ARHGAP39: variants seen among roughly 807,000 people sequenced by gnomAD.
The protein encoded by ARHGAP39 is Rho GTPase activating protein 39.
In ARHGAP39, 44 loss-of-function variants were observed where a neutral mutation model predicts 106.9. The observed-to-expected ratio is 0.41, with a 90% CI of 0.32 to 0.53. ARHGAP39 has a LOEUF of 0.53. Among genes scored for constraint, ARHGAP39 ranks in the 20% least tolerant of loss-of-function variants. The probability of loss-of-function intolerance (pLI) is 0.21; values close to 1 mark genes in which losing one functional copy is unlikely to be tolerated. For synonymous variants in ARHGAP39, 768 were observed against 693.2 expected (o/e 1.11, Z -1.69); for missense variants, 1,496 against 1,577.3 (o/e 0.95, Z 0.87).
intron 1 of ARHGAP39, among the ~76,000 whole-genome samples, chr8:144,617,414 C>A (rs1820665783): frequency 7.1e-6 from 1 of 140,672 alleles, no homozygotes; most frequent in Non-Finnish European, 1.7e-5. Context: ...GAGACCTGAG[C>A]ACCCAGCGCC....
chr8:144,619,255 C>A (rs975793731), intron 1 of ARHGAP39, among the ~76,000 whole-genome samples: 1 of 152,378 alleles, frequency 6.6e-6, no homozygotes, highest in East Asian at 1.9e-4. Flanking sequence ...GAAACAGCAT[C>A]TGCCTGGGCT....
At chr8:144,538,084 G>C (rs1241842585) in intron 6 of ARHGAP39, among the ~76,000 whole-genome samples, 1 of 152,200 alleles carries the variant, frequency 6.6e-6, no homozygotes, top group East Asian at 1.9e-4. Flanking sequence ...AGCAGGAGGA[G>C]AACACAGGGA....
chr8:144,654,388 C>G (rs1234931056), intron 1 of ARHGAP39, among the ~76,000 whole-genome samples: 1 of 151,668 alleles, frequency 6.6e-6, no homozygotes, highest in Admixed American at 6.6e-5. Context: ...GCTTGGAGTC[C>G]CAGTTACTCG....
chr8:144,657,350 C>T (rs1015176248), intron 1 of ARHGAP39, among the ~76,000 whole-genome samples: 5 of 152,150 alleles, frequency 3.3e-5, no homozygotes, highest in Non-Finnish European at 7.4e-5. Context: ...GTCCCAGCAA[C>T]TCAGGAGGCT....
rs1186486280 is a variant in ARHGAP39 at position 144,678,270 on chromosome 8, T to TA, written c.-82+7415dup. Among the ~76,000 whole-genome samples, 938 of 137,330 alleles carry TA rather than the reference T, an allele frequency of 6.8e-3. 3 individuals carry two copies. The highest frequency in any genetic ancestry group is 0.018 in the Middle Eastern group (5 of 274). The allele number at this position is 137,330 out of a possible 152,430, so 90.1% of individuals were successfully genotyped here. ...GGACAACCCACCCTGACTCTCTCTC[T>TA]AAAAAAAAAAAAAGAAAATACAAAT... On this transcript the variant is annotated intron_variant, in intron 1 of 11. Transcript: ENST00000377307.
In ARHGAP39 at chr8:144,600,781, G is replaced by A. The variant is rs528868048; in HGVS notation, c.80+4754C>T. 2.0e-3 allele frequency among the ~76,000 whole-genome samples: 297 copies of A among 151,814 alleles called. 1 individual carries two copies. The highest frequency in any genetic ancestry group is 6.8e-3 in the African/African-American group (283 of 41,354). ...TGTACCTACCTGCGTGTGCATGGAGGCATGCGCGTGAGCTCATCTACCTAC... is the reference window on the plus strand; with the variant it reads ...TGTACCTACCTGCGTGTGCATGGAGACATGCGCGTGAGCTCATCTACCTAC... On this transcript the variant is annotated intron_variant, in intron 2 of 11. Coordinates refer to ENST00000377307, the MANE Select transcript of ARHGAP39 (RefSeq NM_025251.3).
At chr8:144,601,617 T>A (rs867220309) in intron 2 of ARHGAP39, among the ~76,000 whole-genome samples, 3 of 145,562 alleles carry the variant, frequency 2.1e-5, no homozygotes. Flanking sequence ...TATCTGTGTG[T>A]GCATGGAGGC....
chr8:144,589,597 ACCC>A (rs1819315419), intron 2 of ARHGAP39, among the ~76,000 whole-genome samples: 1 of 152,210 alleles, frequency 6.6e-6, no homozygotes, highest in South Asian at 2.1e-4. Context: ...GACTCCCGTG[ACCC>A]CATAATCCAG....
At chr8:144,589,176 C>T (rs761470461) in intron 2 of ARHGAP39, among the ~76,000 whole-genome samples, 9 of 152,198 alleles carry the variant, frequency 5.9e-5, no homozygotes, top group Non-Finnish European at 8.8e-5. Flanking sequence ...AGAGGCTCTG[C>T]GCTGCCTGTG....
intron 3 of ARHGAP39, among the ~76,000 whole-genome samples, chr8:144,562,528 G>A (rs969709419): frequency 1.2e-4 from 17 of 140,630 alleles, no homozygotes; most frequent in African/African-American, 1.7e-4. Flanking sequence ...GGTTTCCATC[G>A]GACTCCAGTG....
chr8:144,549,588 G>C (rs558901892), intron 4 of ARHGAP39, among the ~76,000 whole-genome samples: 1 of 152,256 alleles, frequency 6.6e-6, no homozygotes, highest in South Asian at 2.1e-4. Flanking sequence ...TGCCTCCCAA[G>C]TTCAAGCGAT....
At chr8:144,530,966 G>A in intron 10 of ARHGAP39, 95 bp from the exon 11 acceptor site, 2 of 1,449,078 alleles carry the variant, frequency 1.4e-6, no homozygotes, top group Non-Finnish European at 1.8e-6. Flanking sequence ...GGGTGCTGTG[G>A]GGGACAGGCT....
At chr8:144,601,652 G>GTGCA (rs1819958566) in intron 2 of ARHGAP39, among the ~76,000 whole-genome samples, 1 of 146,240 alleles carries the variant, frequency 6.8e-6, no homozygotes, top group African/African-American at 2.6e-5. Context: ...GTGTACCTGT[G>GTGCA]TGTGCATGGA....
rs1287707417 is a variant in ARHGAP39 at position 144,548,560 on chromosome 8, G to T, written c.597-71C>A. The T allele has an allele frequency of 4.4e-5, 68 of 1,532,736 alleles. No individual in the cohort carries two copies. The highest frequency in any genetic ancestry group is 5.8e-5 in the Non-Finnish European group (66 of 1,143,402). 94.9% of individuals were successfully genotyped at this position (1,532,736 alleles called of 1,614,324 possible). The stretch of plus-strand genomic sequence containing the variant: ...TCTGGGCACGCCCCACCCCCTCGGG[G>T]GCTGTAGGCAGCGGCTCCCGCGAAC... On this transcript the variant is annotated intron_variant, in intron 4 of 11. Transcript: ENST00000377307. The surrounding 1 kb of genome is among the most constrained non-coding windows in gnomAD (Gnocchi z 7.4).
At chr8:144,607,143 G>A (rs1484100650) in intron 1 of ARHGAP39, among the ~76,000 whole-genome samples, 1 of 151,594 alleles carries the variant, frequency 6.6e-6, no homozygotes, top group Non-Finnish European at 1.5e-5. Flanking sequence ...GAGTGTGGTG[G>A]AGCGTGGCTA....
chr8:144,667,573 T>G (rs1821995240), intron 1 of ARHGAP39, among the ~76,000 whole-genome samples: 1 of 152,230 alleles, frequency 6.6e-6, no homozygotes, highest in Non-Finnish European at 1.5e-5. Flanking sequence ...ACATCTTCTG[T>G]GTACACTAAG....
intron 1 of ARHGAP39, among the ~76,000 whole-genome samples, chr8:144,667,154 C>A (rs1283729363): frequency 6.6e-6 from 1 of 152,182 alleles, no homozygotes; most frequent in Admixed American, 6.5e-5. Flanking sequence ...AAGGCAGATG[C>A]AGCACCCTGA....
chr8:144,574,882 T>C (rs553430698), intron 3 of ARHGAP39, among the ~76,000 whole-genome samples: 1 of 152,180 alleles, frequency 6.6e-6, no homozygotes, highest in African/African-American at 2.4e-5. Context: ...CACAGATGTG[T>C]TCTGAGAAAC....
chr8:144,646,064 G>A lies in ARHGAP39; in HGVS notation c.-82+39622C>T, dbSNP rs984511649. ...CACCTGACCAGCAACCACCTGCTGG[G>A]CGTCCCCCGGAGCTGCACTGGTCAC... On this transcript the variant is annotated intron_variant, in intron 1 of 11. Coordinates refer to ENST00000377307, the MANE Select transcript of ARHGAP39 (RefSeq NM_025251.3). This position sits in a 1 kb window ranked among gnomAD's most constrained non-coding sequence, Gnocchi z 5.7. 6.6e-6 allele frequency among the ~76,000 whole-genome samples: 1 copy of A among 152,200 alleles called. No homozygotes were observed. The highest frequency in any genetic ancestry group is 2.4e-5 in the African/African-American group (1 of 41,430).
Sources: allele counts gnomAD v4.1 joint callset (sites outside exome capture counted in the v4.1 genomes callset), GRCh38; gene constraint gnomAD v4.1.1; non-coding constraint Gnocchi (gnomAD v3.1); transcripts MANE v1.5; gene names NCBI Gene and HGNC (gene_info 2026-07-23, HGNC 2026-07-21).